The following KHDRBS2 variants were observed in gnomAD, a reference collection of about 807,000 sequenced individuals.
KHDRBS2 encodes KH RNA binding domain containing, signal transduction associated 2.
A neutral mutation model predicts 44.3 loss-of-function variants in KHDRBS2; 26 were observed. The ratio of observed to expected loss-of-function variants is 0.59; its 90% CI spans 0.43 to 0.81. The LOEUF is 0.81. Among genes scored for constraint, KHDRBS2 ranks in the 40% least tolerant of loss-of-function variants. The pLI is 0.00. For missense variants in KHDRBS2, 476 were observed against 433.1 expected, an observed-to-expected ratio of 1.10 and a Z score of -0.88; for synonymous variants, 194 against 151.1, an observed-to-expected ratio of 1.28 and a Z score of -2.08.
At chr6:61,661,505 AAAC>A in the KHDRBS2 span, 1 of 151,902 alleles carries the variant, frequency 6.6e-6, no homozygotes, top group African/African-American at 2.4e-5. Context: ...TACCCAAAAT[AAAC>A]TAAATTATCC....
At chr6:62,159,937 A>T (rs1170484647) in intron 2 of KHDRBS2, among the ~76,000 whole-genome samples, 1 of 152,148 alleles carries the variant, frequency 6.6e-6, no homozygotes, top group Non-Finnish European at 1.5e-5. Context: ...TAGGGGTGGC[A>T]GAGGTGAAAG....
chr6:61,848,503 A>ATGTG (rs1562294020), intron 6 of KHDRBS2, among the ~76,000 whole-genome samples: 10 of 59,114 alleles, frequency 1.7e-4, no homozygotes, highest in African/African-American at 9.3e-4. Context: ...ATATATATAT[A>ATGTG]TATATATGTA....
chr6:62,028,416 C>T lies in KHDRBS2; in HGVS notation c.336+19462G>A, dbSNP rs186573981. Among the ~76,000 whole-genome samples, 217 of 152,102 alleles carry T rather than the reference C, an allele frequency of 1.4e-3. 1 individual carries two copies. The highest frequency in any genetic ancestry group is 4.5e-3 in the African/African-American group (187 of 41,500). On this transcript the variant is annotated intron_variant, in intron 3 of 8. Coordinates refer to ENST00000281156, the MANE Select transcript of KHDRBS2 (RefSeq NM_152688.4). ...TACTTGAGAACTCAATATATTAAAA[C>T]GTCATCTGTATGTATTTTGGCAGAT...
intron 2 of KHDRBS2, among the ~76,000 whole-genome samples, chr6:62,160,637 AAAG>A (rs1817426860): frequency 1.3e-5 from 2 of 152,102 alleles, no homozygotes; most frequent in African/African-American, 4.8e-5. Flanking sequence ...TAAGGATTGT[AAAG>A]ATACTTGTAT....
chr6:62,072,793 T>TA (rs1247134402), intron 2 of KHDRBS2, among the ~76,000 whole-genome samples: 1 of 152,168 alleles, frequency 6.6e-6, no homozygotes, highest in East Asian at 1.9e-4. Context: ...GATATTGGTC[T>TA]AAAATTCTCT....
intron 3 of KHDRBS2, among the ~76,000 whole-genome samples, chr6:61,997,284 T>C (rs901477267): frequency 3.3e-5 from 5 of 152,294 alleles, no homozygotes; most frequent in Non-Finnish European, 2.9e-5. Flanking sequence ...TATCACCCTA[T>C]TGATTCTGAG....
At chr6:61,949,747 A>G (rs1764359410) in intron 4 of KHDRBS2, among the ~76,000 whole-genome samples, 1 of 152,072 alleles carries the variant, frequency 6.6e-6, no homozygotes, top group South Asian at 2.1e-4. Flanking sequence ...CAAAATTTTA[A>G]AAGAATAATG....
At chr6:61,868,790 C>A (rs1195950455) in intron 6 of KHDRBS2, among the ~76,000 whole-genome samples, 2 of 152,290 alleles carry the variant, frequency 1.3e-5, no homozygotes, top group Non-Finnish European at 2.9e-5. Context: ...TGCTCAGACC[C>A]CTGCATTCAG....
chr6:61,647,573 T>C, the KHDRBS2 span, among the ~76,000 whole-genome samples: 1 of 152,174 alleles, frequency 6.6e-6, no homozygotes, highest in Non-Finnish European at 1.5e-5. Flanking sequence ...ATGCACTTAG[T>C]TTCTAAATTC....
At chr6:61,811,220 T>C (rs543387738) in intron 6 of KHDRBS2, among the ~76,000 whole-genome samples, 4 of 152,128 alleles carry the variant, frequency 2.6e-5, no homozygotes, top group Non-Finnish European at 4.4e-5. Context: ...TGGTTTCCTG[T>C]TTTTGCATTA....
chr6:62,285,939 C>T lies in KHDRBS2; in HGVS notation c.10G>A (p.Glu4Lys). The T allele has an allele frequency of 6.2e-7, 1 of 1,610,550 alleles. No homozygotes were observed. The highest frequency in any genetic ancestry group is 8.5e-7 in the Non-Finnish European group (1 of 1,177,244). MEE[E>K]KYLPELMAEK... ...GCCATCAGCTCAGGCAAATATTTCTCCTCTTCCATAGCGCGGACTTCGGAT... is the reference window on the plus strand; with the variant it reads ...GCCATCAGCTCAGGCAAATATTTCTTCTCTTCCATAGCGCGGACTTCGGAT... The change falls in exon 1 of 9, where the codon GAG (glutamate) becomes AAG (lysine). Residue 4 changes from glutamate to lysine, a missense_variant. Transcript: ENST00000281156.
At chr6:61,974,978 A>G (rs1401332806) in intron 4 of KHDRBS2, among the ~76,000 whole-genome samples, 1 of 139,284 alleles carries the variant, frequency 7.2e-6, no homozygotes, top group African/African-American at 2.9e-5. Flanking sequence ...ATAAATAAAT[A>G]AATAAAAGAC....
chr6:62,255,335 A>C (rs1470114487), intron 1 of KHDRBS2, among the ~76,000 whole-genome samples: 1 of 151,990 alleles, frequency 6.6e-6, no homozygotes, highest in East Asian at 1.9e-4. Flanking sequence ...GAAAATAACA[A>C]CTTTTGTTAT....
intron 2 of KHDRBS2, among the ~76,000 whole-genome samples, chr6:62,156,678 C>G (rs1034462331): frequency 6.6e-6 from 1 of 151,960 alleles, no homozygotes; most frequent in African/African-American, 2.4e-5. Context: ...GAGACGGAGT[C>G]TCGCTCTGTC....
the KHDRBS2 span, among the ~76,000 whole-genome samples, chr6:61,651,238 T>C: frequency 1.3e-5 from 2 of 152,136 alleles, no homozygotes; most frequent in Non-Finnish European, 2.9e-5. Flanking sequence ...TTGAAATGCA[T>C]GGGAATAGAG....
intron 4 of KHDRBS2, among the ~76,000 whole-genome samples, chr6:61,977,612 C>T (rs1772946907): frequency 6.6e-6 from 1 of 152,082 alleles, no homozygotes; most frequent in Admixed American, 6.5e-5. Flanking sequence ...CATGAAAATA[C>T]ATTGGATATG....
chr6:61,915,350 A>T (rs190467577), intron 4 of KHDRBS2, among the ~76,000 whole-genome samples: 56 of 152,194 alleles, frequency 3.7e-4, no homozygotes, highest in African/African-American at 1.2e-3. Flanking sequence ...TGAACAAGTC[A>T]TATCTGTCCT....
rs183624937 is a variant in KHDRBS2, at chr6:61,820,989, G to A, written c.810+73646C>T. Among the ~76,000 whole-genome samples the A allele has an allele frequency of 2.7e-3, 414 of 152,110 alleles. 3 individuals carry two copies. The highest frequency in any genetic ancestry group is 2.4e-3 in the Non-Finnish European group (166 of 67,946). ...GACTAAATTCCTACTGACTGTGTGA[G>A]GAGAATTTCACTCAGAATTGGGAAA... On this transcript the variant is annotated intron_variant, in intron 6 of 8. Coordinates refer to ENST00000281156, the MANE Select transcript of KHDRBS2 (RefSeq NM_152688.4).
intron 6 of KHDRBS2, among the ~76,000 whole-genome samples, chr6:61,889,093 A>G (rs1801417163): frequency 6.6e-6 from 1 of 152,228 alleles, no homozygotes; most frequent in African/African-American, 2.4e-5. Flanking sequence ...GCAAAAATTA[A>G]GGAATATTAT....
Sources: allele counts gnomAD v4.1 joint callset (sites outside exome capture counted in the v4.1 genomes callset), GRCh38; gene constraint gnomAD v4.1.1; transcripts MANE v1.5; gene names NCBI Gene and HGNC (gene_info 2026-07-23, HGNC 2026-07-21).